SLC24A3: variants seen among roughly 807,000 people sequenced by gnomAD.
The protein encoded by SLC24A3 is sodium/potassium/calcium exchanger 3.
SLC24A3 carries 28 observed loss-of-function variants against 75.8 expected under a neutral mutation model. That is an observed-to-expected ratio of 0.37 (90% confidence interval 0.27 to 0.51). SLC24A3 has a LOEUF of 0.51. Ranked by LOEUF, SLC24A3 falls within the 20% of genes least tolerant of loss-of-function variation. SLC24A3 has a pLI of 0.94. For synonymous variants in SLC24A3, 372 were observed against 334.1 expected, an observed-to-expected ratio of 1.11 and a Z score of -1.24; for missense variants, 663 against 847.8, an observed-to-expected ratio of 0.78 and a Z score of 2.71.
intron 2 of SLC24A3, among the ~76,000 whole-genome samples, chr20:19,374,718 G>C (rs978617898): frequency 5.9e-5 from 9 of 152,204 alleles, no homozygotes; most frequent in African/African-American, 2.2e-4. Flanking sequence ...CTGAATCACA[G>C]CTCTGATCAG....
At chr20:19,328,286 C>T (rs556740130) in intron 2 of SLC24A3, among the ~76,000 whole-genome samples, 2 of 152,050 alleles carry the variant, frequency 1.3e-5, no homozygotes, top group Non-Finnish European at 2.9e-5. Context: ...GTCTTGGGGG[C>T]TGGTGGAGGT....
intron 3 of SLC24A3, among the ~76,000 whole-genome samples, chr20:19,556,898 C>G (rs1471361501): frequency 6.6e-6 from 1 of 152,082 alleles, no homozygotes; most frequent in African/African-American, 2.4e-5. Context: ...AAACAAAACC[C>G]ATTTTTTTAA....
intron 7 of SLC24A3, among the ~76,000 whole-genome samples, chr20:19,661,750 G>A (rs780990709): frequency 2.0e-5 from 3 of 152,238 alleles, no homozygotes; most frequent in Non-Finnish European, 2.9e-5. Flanking sequence ...CTGACATGGC[G>A]ATGTTGAGAC....
chr20:19,531,482 T>C (rs1048803576), intron 3 of SLC24A3, among the ~76,000 whole-genome samples: 1 of 152,192 alleles, frequency 6.6e-6, no homozygotes, highest in East Asian at 1.9e-4. Flanking sequence ...GCAAGAGGTG[T>C]CTGGGGCCTT....
chr20:19,225,374 A>T (rs919811579), intron 1 of SLC24A3, among the ~76,000 whole-genome samples: 2 of 152,204 alleles, frequency 1.3e-5, no homozygotes, highest in Admixed American at 6.5e-5. Context: ...CATGTGCAGG[A>T]AGAAAGTCAT....
rs183639014 is a variant in SLC24A3 at position 19,721,309 on chromosome 20, G to A, written c.*169G>A. 8.0e-5 allele frequency: 58 copies of A among 725,266 alleles called. 1 individual carries two copies. Among genetic ancestry groups the A allele is most frequent in the East Asian group, 1.1e-4 (4 of 35,206 alleles). 44.9% of individuals were successfully genotyped at this position (725,266 alleles called of 1,614,324 possible). A position where few individuals can be genotyped will look rare whatever the true frequency, so the allele number is the denominator to read the frequency against. ...CCAGGCTCTCCCCTGACCCATCCTC[G>A]CTCCCCCACCTCCTTGGGTCATGCC... On this transcript the variant is annotated 3_prime_UTR_variant, in exon 17 of 17. Coordinates refer to ENST00000328041, the MANE Select transcript of SLC24A3 (RefSeq NM_020689.4).
chr20:19,633,143 G>A (rs181862120), intron 6 of SLC24A3, among the ~76,000 whole-genome samples: 6 of 152,188 alleles, frequency 3.9e-5, no homozygotes, highest in Non-Finnish European at 7.4e-5. Flanking sequence ...AGTCAGCCAG[G>A]GCTGACATAA....
intron 2 of SLC24A3, among the ~76,000 whole-genome samples, chr20:19,441,355 G>C (rs571324864): frequency 6.6e-6 from 1 of 152,162 alleles, no homozygotes; most frequent in Non-Finnish European, 1.5e-5. Context: ...GCTAGGTGAG[G>C]GCCCTGTGCA....
chr20:19,300,219 G>A (rs1984163893), intron 2 of SLC24A3, among the ~76,000 whole-genome samples: 1 of 152,186 alleles, frequency 6.6e-6, no homozygotes, highest in African/African-American at 2.4e-5. Context: ...TGAGTCCCCT[G>A]TAACTGACAG....
In SLC24A3 at chr20:19,608,608, A is replaced by G. The variant is rs200541523; in HGVS notation, c.612+23064A>G. Among the ~76,000 whole-genome samples, 10 of 152,330 alleles carry G rather than the reference A, an allele frequency of 6.6e-5. No homozygotes were observed. The East Asian group carries it at 1.9e-3, about 29-fold the overall frequency. On this transcript the variant is annotated intron_variant, in intron 6 of 16. Transcript: ENST00000328041. ...ATGCTTTGGTTGTTTCTATAGAATG[A>G]CCGTGTCACAATAAGGCTTTTAAAA...
At chr20:19,575,001 G>T (rs1200387687) in intron 3 of SLC24A3, among the ~76,000 whole-genome samples, 1 of 152,012 alleles carries the variant, frequency 6.6e-6, no homozygotes, top group Non-Finnish European at 1.5e-5. Context: ...TGCAATCCCA[G>T]CACTTTGGGA....
intron 2 of SLC24A3, among the ~76,000 whole-genome samples, chr20:19,364,215 A>C (rs1225597120): frequency 6.6e-6 from 1 of 152,044 alleles, no homozygotes; most frequent in Non-Finnish European, 1.5e-5. Context: ...CCCAAAGTAG[A>C]TGGAGGACTT....
chr20:19,469,118 G>A (rs1987820101), intron 2 of SLC24A3, among the ~76,000 whole-genome samples: 1 of 152,138 alleles, frequency 6.6e-6, no homozygotes, highest in South Asian at 2.1e-4. Context: ...GCTCTGGATG[G>A]TCATCTCCAT....
At chr20:19,584,606 C>T (rs1456145579) in intron 4 of SLC24A3, among the ~76,000 whole-genome samples, 1 of 152,184 alleles carries the variant, frequency 6.6e-6, no homozygotes, top group Non-Finnish European at 1.5e-5. Context: ...CTGTGGCCTC[C>T]CATGGGCCCA....
intron 2 of SLC24A3, among the ~76,000 whole-genome samples, chr20:19,307,052 T>C (rs1319732900): frequency 6.6e-6 from 1 of 152,122 alleles, no homozygotes; most frequent in Non-Finnish European, 1.5e-5. Context: ...AGGATATTGG[T>C]TGGAGTGGGG....
chr20:19,665,964 G>A, intron 8 of SLC24A3, 75 bp downstream of exon 8: 1 of 1,508,654 alleles, frequency 6.6e-7, no homozygotes, highest in Middle Eastern at 1.7e-4. Flanking sequence ...ACCAGTGTTG[G>A]GATTCAAGAA....
At chr20:19,606,265 GC>G (rs779873410) in intron 6 of SLC24A3, among the ~76,000 whole-genome samples, 8 of 152,198 alleles carry the variant, frequency 5.3e-5, no homozygotes, top group Non-Finnish European at 1.2e-4. Context: ...AGTTACTGCT[GC>G]CTGAGTGCTA....
At chr20:19,318,394 G>T (rs1347796482) in intron 2 of SLC24A3, among the ~76,000 whole-genome samples, 1 of 152,176 alleles carries the variant, frequency 6.6e-6, no homozygotes, top group South Asian at 2.1e-4. Flanking sequence ...TGATGAGGAG[G>T]CTGAGAGACA....
chr20:19,495,954 C>G (rs368594624), intron 2 of SLC24A3, among the ~76,000 whole-genome samples: 1 of 152,038 alleles, frequency 6.6e-6, no homozygotes, highest in African/African-American at 2.4e-5. Context: ...TCTGAGTTTC[C>G]GGCAAAAACA....
Sources: allele counts gnomAD v4.1 joint callset (sites outside exome capture counted in the v4.1 genomes callset), GRCh38; gene constraint gnomAD v4.1.1; transcripts MANE v1.5; gene names NCBI Gene and HGNC (gene_info 2026-07-23, HGNC 2026-07-21).